TMTC1: variants seen among roughly 807,000 people sequenced by gnomAD.
TMTC1 encodes protein O-mannosyl-transferase TMTC1.
TMTC1 carries 73 observed loss-of-function variants against 104.8 expected under a neutral mutation model. The observed-to-expected ratio is 0.70, with a 90% CI of 0.58 to 0.85. The LOEUF is 0.85. Among genes scored for constraint, TMTC1 ranks in the 40% least tolerant of loss-of-function variants. The pLI, the probability that TMTC1 is intolerant of heterozygous loss-of-function variation, is 0.00. For synonymous variants in TMTC1, 434 were observed against 428.7 expected, an observed-to-expected ratio of 1.01 and a Z score of -0.15; for missense variants, 1,035 against 1,096.1, an observed-to-expected ratio of 0.94 and a Z score of 0.79.
chr12:29,692,176 T>C (rs1941287478), intron 5 of TMTC1, among the ~76,000 whole-genome samples: 1 of 145,544 alleles, frequency 6.9e-6, no homozygotes, highest in African/African-American at 2.5e-5. Flanking sequence ...TTCCAAACAA[T>C]ACAATTTATT....
chr12:29,762,757 A>G (rs1415754074), intron 2 of TMTC1, among the ~76,000 whole-genome samples: 1 of 152,238 alleles, frequency 6.6e-6, no homozygotes, highest in Non-Finnish European at 1.5e-5. Context: ...CAAATCAGGA[A>G]GACTGCATGA....
chr12:29,583,475 C>T lies in TMTC1; in HGVS notation c.1350G>A (p.Leu450=). 2.5e-6 allele frequency: 4 copies of T among 1,613,942 alleles called. No homozygotes were observed. Among genetic ancestry groups the T allele is most frequent in the Non-Finnish European group, 2.5e-6 (3 of 1,179,900 alleles). The change falls in exon 8 of 18, where the codon CTG becomes CTA. Residue 450 remains leucine (L), a synonymous_variant. Coordinates refer to ENST00000539277, the MANE Select transcript of TMTC1 (RefSeq NM_001193451.2). ...ATTLIVSTVL[L]LLLFSWKTVK... Reference sequence around the variant, plus strand: ...CAGTTTTCCAAGAGAAAAGCAACAGCAGCAACACAGTGGACACAATCAGGG... The same window carrying T: ...CAGTTTTCCAAGAGAAAAGCAACAGTAGCAACACAGTGGACACAATCAGGG...
At chr12:29,656,423 C>A (rs531955059) in intron 5 of TMTC1, among the ~76,000 whole-genome samples, 7 of 148,236 alleles carry the variant, frequency 4.7e-5, no homozygotes, top group Admixed American at 2.0e-4. Context: ...GGTGCAATCT[C>A]GGCTCACTGC....
chr12:29,777,275 A>G (rs1455438808), intron 1 of TMTC1, among the ~76,000 whole-genome samples: 1 of 151,902 alleles, frequency 6.6e-6, no homozygotes, highest in Non-Finnish European at 1.5e-5. Flanking sequence ...TTGTATTTTT[A>G]GTAGAGATGG....
At chr12:29,549,276 C>A (rs1208267916) in intron 10 of TMTC1, among the ~76,000 whole-genome samples, 1 of 151,538 alleles carries the variant, frequency 6.6e-6, no homozygotes, top group East Asian at 1.9e-4. Flanking sequence ...ATGAAAATAT[C>A]CAGATGCCAA....
intron 7 of TMTC1, among the ~76,000 whole-genome samples, chr12:29,601,713 T>G (rs1312606049): frequency 6.6e-6 from 1 of 152,226 alleles, no homozygotes; most frequent in African/African-American, 2.4e-5. Flanking sequence ...GCCCAGGTTT[T>G]ATTTTTGTAA....
intron 6 of TMTC1, among the ~76,000 whole-genome samples, chr12:29,615,077 TGCCAGAGTCCTGGGTTATAAGCGAACAGG>T (rs1308874804): frequency 6.6e-6 from 1 of 152,216 alleles, no homozygotes; most frequent in Non-Finnish European, 1.5e-5. Context: ...TCATACCAAA[TGCCAGAGTCCTGGGTTATAAGCGAACAGG>T]GCCAATTTGG....
At chr12:29,744,752 T>C (rs1942908707) in intron 5 of TMTC1, among the ~76,000 whole-genome samples, 1 of 152,186 alleles carries the variant, frequency 6.6e-6, no homozygotes, top group Non-Finnish European at 1.5e-5. Context: ...GCAAGTTCTA[T>C]ATTTGAAAAA....
At chr12:29,625,197 C>A (rs1373815889) in intron 6 of TMTC1, among the ~76,000 whole-genome samples, 3 of 152,148 alleles carry the variant, frequency 2.0e-5, no homozygotes, top group African/African-American at 7.2e-5. Context: ...AGAACAATGT[C>A]CATAAAGCAT....
rs555665616 is a variant in TMTC1 at position 29,648,201 on chromosome 12, G to A, written c.939-14865C>T. Among the ~76,000 whole-genome samples the A allele has an allele frequency of 1.1e-4, 17 of 152,264 alleles. No individual in the cohort carries two copies. In the South Asian group the frequency reaches 3.5e-3, roughly 32 times the overall value. Reference sequence around the variant, plus strand: ...ATGCAAGTCCATAAAAAACATGGAAGCAGAAACTCTGGGCATCTGGACTTC... The same window carrying A: ...ATGCAAGTCCATAAAAAACATGGAAACAGAAACTCTGGGCATCTGGACTTC... On this transcript the variant is annotated intron_variant, in intron 5 of 17. Coordinates refer to ENST00000539277, the MANE Select transcript of TMTC1 (RefSeq NM_001193451.2).
At chr12:29,757,493 A>G (rs2136990116) in intron 3 of TMTC1, among the ~76,000 whole-genome samples, 1 of 152,262 alleles carries the variant, frequency 6.6e-6, no homozygotes, top group Middle Eastern at 3.4e-3. Context: ...CCTAATTAAG[A>G]GCCACTGGTT....
chr12:29,612,327 A>G (rs1366969538), intron 6 of TMTC1, among the ~76,000 whole-genome samples: 1 of 152,200 alleles, frequency 6.6e-6, no homozygotes, highest in Non-Finnish European at 1.5e-5. Context: ...AACAGGATCT[A>G]TGGCACACAA....
chr12:29,619,400 A>G (rs559101681), intron 6 of TMTC1, among the ~76,000 whole-genome samples: 4 of 152,368 alleles, frequency 2.6e-5, no homozygotes, highest in African/African-American at 9.6e-5. Flanking sequence ...TTTCAGCTCC[A>G]GAACAAGGAG....
intron 5 of TMTC1, among the ~76,000 whole-genome samples, chr12:29,714,024 T>C (rs1942009538): frequency 6.6e-6 from 1 of 152,144 alleles, no homozygotes; most frequent in Non-Finnish European, 1.5e-5. Context: ...GGGCACAGTG[T>C]TCAATGCACC....
At chr12:29,670,943 A>AAAAAAAAAAAG (rs397944127) in intron 5 of TMTC1, among the ~76,000 whole-genome samples, 1 of 112,818 alleles carries the variant, frequency 8.9e-6, no homozygotes, top group African/African-American at 4.5e-5. Flanking sequence ...TCAAAAAAAA[A>AAAAAAAAAAAG]GAAAAAAAAG....
chr12:29,572,253 A>T (rs113273288), intron 8 of TMTC1, 35 bp from the exon 9 acceptor site: 8 of 1,492,960 alleles, frequency 5.4e-6, no homozygotes, highest in Non-Finnish European at 7.5e-6. Flanking sequence ...GAATTATTTG[A>T]CAAAGAATAT....
rs77513599 is a variant in TMTC1, at chr12:29,555,134, C to CTTTTT, written c.1676+1718_1676+1722dup. Among the ~76,000 whole-genome samples the CTTTTT allele has an allele frequency of 8.0e-3, 706 of 88,168 alleles. 25 individuals carry two copies. Among genetic ancestry groups the CTTTTT allele is most frequent in the East Asian group, 0.014 (33 of 2,386 alleles). 57.8% of individuals were successfully genotyped at this position (88,168 alleles called of 152,430 possible). A position where few individuals can be genotyped will look rare whatever the true frequency, so the allele number is the denominator to read the frequency against. On this transcript the variant is annotated intron_variant, in intron 10 of 17. Transcript: ENST00000539277. ...GGGTTTAGGATTCAGTTCCAACATC[C>CTTTTT]TTTTTTTTTTTTTTTTTTTTTGAGA...
chr12:29,729,080 C>CTTT (rs1942481366), intron 5 of TMTC1, among the ~76,000 whole-genome samples: 4 of 150,948 alleles, frequency 2.6e-5, no homozygotes, highest in Non-Finnish European at 4.4e-5. Context: ...TGGAGACAAA[C>CTTT]TCCCAAGTTC....
At chr12:29,681,114 A>AG (rs1430552551) in intron 5 of TMTC1, among the ~76,000 whole-genome samples, 14 of 151,744 alleles carry the variant, frequency 9.2e-5, no homozygotes, top group South Asian at 4.2e-4. Flanking sequence ...AAAAAAAAAA[A>AG]AAAAGAAACA....
Sources: gnomAD v4.1 joint callset for allele counts (sites outside exome capture counted in the v4.1 genomes callset) on GRCh38, gnomAD v4.1.1 for gene constraint, MANE v1.5 for transcripts, NCBI Gene and HGNC (gene_info 2026-07-23, HGNC 2026-07-21) for gene names.